Variants in FSTL5 observed in about 807,000 individuals in gnomAD.
FSTL5 encodes follistatin-related protein 5.
FSTL5 carries 62 observed loss-of-function variants against 89.1 expected under a neutral mutation model. That is an observed-to-expected ratio of 0.70 (90% CI 0.57 to 0.86). The LOEUF (loss-of-function observed/expected upper bound fraction) is 0.86, where lower values mean the gene tolerates loss of function less well. Ranked by LOEUF, FSTL5 falls within the 40% of genes least tolerant of loss-of-function variation. The pLI is 0.00. For missense variants in FSTL5, 1,057 were observed against 1,001.6 expected (o/e 1.06, Z -0.75); for synonymous variants, 383 against 346.2 (o/e 1.11, Z -1.18).
In FSTL5 at chr4:161,901,908, C is replaced by CT. The variant is rs1733378404; in HGVS notation, c.409+18495dup. On this transcript the variant is annotated intron_variant, in intron 4 of 15. Transcript: ENST00000306100. ...CAAGATCGCGCCCTGGCACTCCAGC[C>CT]TGGGTGACAGAGTGAGTCTCCATCT... Among the ~76,000 whole-genome samples, 7 of 152,022 alleles carry CT rather than the reference C, an allele frequency of 4.6e-5. 1 individual carries two copies. In the South Asian group the frequency reaches 1.5e-3, roughly 32 times the overall value.
At chr4:161,769,345 T>C (rs1415122069) in intron 5 of FSTL5, among the ~76,000 whole-genome samples, 1 of 151,972 alleles carries the variant, frequency 6.6e-6, no homozygotes, top group Non-Finnish European at 1.5e-5. Context: ...ATGAGACCAG[T>C]ATTACCCTGA....
In FSTL5 at chr4:161,915,399, C is replaced by G. The variant is rs554659960; in HGVS notation, c.409+5005G>C. Among the ~76,000 whole-genome samples, 9 of 151,394 alleles carry G rather than the reference C, an allele frequency of 5.9e-5. No individual in the cohort carries two copies. In the South Asian group the frequency reaches 1.7e-3, roughly 28 times the overall value. On this transcript the variant is annotated intron_variant, in intron 4 of 15. Transcript: ENST00000306100. ...AACATTTGTTGAATAGTCCTAATGT[C>G]TAATATCCCAAAATCCCAAAATGAG...
At chr4:161,740,080 C>T (rs1178800069) in intron 6 of FSTL5, among the ~76,000 whole-genome samples, 2 of 151,772 alleles carry the variant, frequency 1.3e-5, no homozygotes, top group Non-Finnish European at 2.9e-5. Context: ...AGTGCAATGG[C>T]ACAATCTCAG....
chr4:161,716,454 G>A (rs1308110838), intron 6 of FSTL5, among the ~76,000 whole-genome samples: 1 of 151,990 alleles, frequency 6.6e-6, no homozygotes, highest in African/African-American at 2.4e-5. Context: ...AAAGTGAGCC[G>A]AGTTTGGTGG....
chr4:161,463,078 G>C (rs933224024), intron 13 of FSTL5, among the ~76,000 whole-genome samples: 1 of 152,016 alleles, frequency 6.6e-6, no homozygotes, highest in Non-Finnish European at 1.5e-5. Flanking sequence ...TTAACTTATG[G>C]AAATATTTTA....
At chr4:162,020,654 A>G (rs969123819) in intron 3 of FSTL5, among the ~76,000 whole-genome samples, 3 of 152,070 alleles carry the variant, frequency 2.0e-5, no homozygotes, top group African/African-American at 7.2e-5. Flanking sequence ...AAGGTAGGCC[A>G]TTTGACTGTT....
chr4:161,397,277 C>G (rs1731036819), intron 15 of FSTL5, among the ~76,000 whole-genome samples: 1 of 151,822 alleles, frequency 6.6e-6, no homozygotes, highest in Non-Finnish European at 1.5e-5. Flanking sequence ...TATATACACG[C>G]ACATACATAC....
chr4:161,876,483 C>T (rs1732446482), intron 4 of FSTL5, among the ~76,000 whole-genome samples: 1 of 152,198 alleles, frequency 6.6e-6, no homozygotes, highest in Non-Finnish European at 1.5e-5. Flanking sequence ...AAAATAACGC[C>T]TCACAAAAAG....
intron 3 of FSTL5, among the ~76,000 whole-genome samples, chr4:161,952,517 T>G (rs2110956618): frequency 6.6e-6 from 1 of 152,104 alleles, no homozygotes; most frequent in African/African-American, 2.4e-5. Context: ...TAGTTAAGCT[T>G]TAATTTAGGT....
At chr4:161,860,275 G>A (rs188020788) in intron 4 of FSTL5, among the ~76,000 whole-genome samples, 207 of 145,022 alleles carry the variant, frequency 1.4e-3, no homozygotes, top group Admixed American at 8.0e-4. Flanking sequence ...GCGACAGAGC[G>A]AGACTCCGTC....
At chr4:161,955,297 A>G (rs539890201) in intron 3 of FSTL5, among the ~76,000 whole-genome samples, 3 of 151,832 alleles carry the variant, frequency 2.0e-5, no homozygotes, top group South Asian at 2.1e-4. Flanking sequence ...GGAAATCTCA[A>G]TGAAGCCAGA....
chr4:161,439,030 C>A (rs1011038503), intron 15 of FSTL5, among the ~76,000 whole-genome samples: 52 of 151,488 alleles, frequency 3.4e-4, no homozygotes, highest in African/African-American at 1.1e-3. Flanking sequence ...AATAAATGAG[C>A]ATGCTTATTT....
chr4:161,465,770 T>C (rs1353630549), intron 13 of FSTL5, among the ~76,000 whole-genome samples: 1 of 152,232 alleles, frequency 6.6e-6, no homozygotes, highest in Non-Finnish European at 1.5e-5. Flanking sequence ...TAGCTTCCAA[T>C]TATATATTGG....
chr4:162,058,545 GC>G (rs33937139), intron 2 of FSTL5, among the ~76,000 whole-genome samples: 151,086 of 151,352 alleles, frequency 1, 75,410 homozygotes, highest in Middle Eastern at 1. Flanking sequence ...TCCTGCTTCA[GC>G]CCTCCCGAGT....
At chr4:161,454,886 C>A in intron 15 of FSTL5, 118 bp downstream of exon 15, 1 of 886,426 alleles carries the variant, frequency 1.1e-6, no homozygotes, top group African/African-American at 1.7e-5. Flanking sequence ...AAAGCTAAAG[C>A]AAGTTCAATT....
At chr4:161,643,131 AT>A (rs1353162448) in intron 7 of FSTL5, among the ~76,000 whole-genome samples, 1 of 152,144 alleles carries the variant, frequency 6.6e-6, no homozygotes, top group African/African-American at 2.4e-5. Flanking sequence ...AAGTGCTATT[AT>A]TGTGTTATAT....
At chr4:162,005,991 T>C (rs926907211) in intron 3 of FSTL5, among the ~76,000 whole-genome samples, 19 of 152,112 alleles carry the variant, frequency 1.2e-4, no homozygotes, top group Non-Finnish European at 2.4e-4. Flanking sequence ...GCACACACAT[T>C]ATACTACCTC....
At chr4:161,798,698 T>C (rs1729706055) in intron 4 of FSTL5, among the ~76,000 whole-genome samples, 2 of 151,678 alleles carry the variant, frequency 1.3e-5, no homozygotes, top group Admixed American at 6.6e-5. Flanking sequence ...CACTGATTTT[T>C]ACTTCCAACA....
chr4:161,972,602 C>T lies in FSTL5; in HGVS notation c.161-51950G>A, dbSNP rs576823119. Among the ~76,000 whole-genome samples the T allele has an allele frequency of 5.9e-5, 9 of 152,174 alleles. No individual in the cohort carries two copies. The East Asian group carries it at 1.4e-3, about 23-fold the overall frequency. On this transcript the variant is annotated intron_variant, in intron 3 of 15. Coordinates refer to ENST00000306100, the MANE Select transcript of FSTL5 (RefSeq NM_020116.5). ...ACAGGCCCCAGAGCCCTCAGGAAAC[C>T]GAATTCTGTCAATAACCAACTGAGC...
Sources: allele counts gnomAD v4.1 joint callset (sites outside exome capture counted in the v4.1 genomes callset), GRCh38; gene constraint gnomAD v4.1.1; transcripts MANE v1.5; gene names NCBI Gene and HGNC (gene_info 2026-07-23, HGNC 2026-07-21).